Variants in LINGO2 observed in about 807,000 individuals in gnomAD.
The protein encoded by LINGO2 is leucine-rich repeat and immunoglobulin-like domain-containing nogo receptor-interacting protein 2.
In LINGO2, 14 loss-of-function variants were observed where a neutral mutation model predicts 30.6. The ratio of observed to expected loss-of-function variants is 0.46; its 90% CI spans 0.30 to 0.72. The LOEUF (loss-of-function observed/expected upper bound fraction) is 0.72, where lower values mean the gene tolerates loss of function less well. LINGO2 is among the 30% of genes least tolerant of loss of function. The probability of loss-of-function intolerance (pLI) is 0.07; values close to 1 mark genes in which losing one functional copy is unlikely to be tolerated. For missense variants in LINGO2, 729 were observed against 751.7 expected (o/e 0.97, Z 0.35); for synonymous variants, 317 against 288.5 (o/e 1.10, Z -1.00).
the LINGO2 span, among the ~76,000 whole-genome samples, chr9:29,122,556 C>T: frequency 6.6e-6 from 1 of 151,902 alleles, no homozygotes; most frequent in African/African-American, 2.4e-5. Flanking sequence ...TTTTTCTAAG[C>T]ATTTACTAAG....
chr9:28,860,144 C>T, the LINGO2 span, among the ~76,000 whole-genome samples: 36 of 152,012 alleles, frequency 2.4e-4, 1 homozygote, highest in Non-Finnish European at 4.4e-4. Flanking sequence ...AGAACACCAA[C>T]TTATTGTTTG....
intron 4 of LINGO2, among the ~76,000 whole-genome samples, chr9:28,216,780 T>C (rs972900169): frequency 2.6e-5 from 4 of 151,962 alleles, no homozygotes; most frequent in African/African-American, 7.2e-5. Context: ...TTGAAGTCAC[T>C]ACATTTTATA....
chr9:28,280,991 T>C (rs556974464), intron 4 of LINGO2, among the ~76,000 whole-genome samples: 1 of 152,276 alleles, frequency 6.6e-6, no homozygotes, highest in Admixed American at 6.5e-5. Flanking sequence ...AGCAATCTAA[T>C]ATTTATTATG....
intron 4 of LINGO2, among the ~76,000 whole-genome samples, chr9:28,263,911 C>T (rs1307542343): frequency 4.6e-5 from 7 of 151,850 alleles, no homozygotes; most frequent in African/African-American, 7.3e-5. Flanking sequence ...ACATTGCAAG[C>T]GTCTATATAT....
chr9:29,008,234 T>C, the LINGO2 span, among the ~76,000 whole-genome samples: 5 of 152,186 alleles, frequency 3.3e-5, no homozygotes, highest in African/African-American at 9.7e-5. Flanking sequence ...GCTTCATCCA[T>C]ATCCCTACAA....
the LINGO2 span, among the ~76,000 whole-genome samples, chr9:29,181,852 C>A: frequency 6.6e-6 from 1 of 151,916 alleles, no homozygotes; most frequent in African/African-American, 2.4e-5. Context: ...CCATAGACAA[C>A]AAAAGAAAAA....
At chr9:29,144,692 C>A in the LINGO2 span, among the ~76,000 whole-genome samples, 1 of 152,034 alleles carries the variant, frequency 6.6e-6, no homozygotes, top group African/African-American at 2.4e-5. Flanking sequence ...AGACTAAGTC[C>A]TACCACAGCA....
intron 2 of LINGO2, among the ~76,000 whole-genome samples, chr9:28,458,983 A>AT (rs56137901): frequency 0.99 from 151,252 of 152,216 alleles, 75,153 homozygotes; most frequent in Middle Eastern, 1. Flanking sequence ...GTGAATTATG[A>AT]TTTTGCATTA....
At chr9:28,862,032 A>T in the LINGO2 span, among the ~76,000 whole-genome samples, 2 of 152,142 alleles carry the variant, frequency 1.3e-5, no homozygotes, top group African/African-American at 4.8e-5. Flanking sequence ...TATTATCATT[A>T]AAAACATAAG....
the LINGO2 span, among the ~76,000 whole-genome samples, chr9:29,117,440 A>C: frequency 6.6e-6 from 1 of 152,234 alleles, no homozygotes; most frequent in African/African-American, 2.4e-5. Flanking sequence ...AGTCAGCTTC[A>C]GTGAAAGCTG....
chr9:29,146,385 C>A, the LINGO2 span, among the ~76,000 whole-genome samples: 1 of 85,810 alleles, frequency 1.2e-5, no homozygotes, highest in Non-Finnish European at 2.4e-5. Flanking sequence ...AAAAAAAAAC[C>A]AGCTAAGACT....
the LINGO2 span, among the ~76,000 whole-genome samples, chr9:29,121,576 G>A: frequency 1.3e-5 from 2 of 151,868 alleles, no homozygotes; most frequent in Non-Finnish European, 2.9e-5. Flanking sequence ...ACAATTGATA[G>A]GAGCTTAAAA....
At chr9:28,207,389 A>G (rs776091214) in intron 4 of LINGO2, among the ~76,000 whole-genome samples, 32 of 152,130 alleles carry the variant, frequency 2.1e-4, no homozygotes, top group Admixed American at 2.0e-4. Context: ...AAATTGTAGC[A>G]GATTTATAAG....
chr9:28,898,057 G>T, the LINGO2 span, among the ~76,000 whole-genome samples: 1 of 152,054 alleles, frequency 6.6e-6, no homozygotes, highest in Admixed American at 6.6e-5. Context: ...AAGAATAAAA[G>T]TAGTGACCTC....
chr9:28,002,658 T>C (rs1822020398), intron 5 of LINGO2, among the ~76,000 whole-genome samples: 1 of 152,212 alleles, frequency 6.6e-6, no homozygotes, highest in Non-Finnish European at 1.5e-5. Context: ...AGCCAATGTA[T>C]ATGGAGATAT....
chr9:28,913,718 A>C, the LINGO2 span, among the ~76,000 whole-genome samples: 1 of 152,120 alleles, frequency 6.6e-6, no homozygotes, highest in Non-Finnish European at 1.5e-5. Flanking sequence ...TAATCTGATA[A>C]TACTTGTTGT....
upstream of LINGO2, among the ~76,000 whole-genome samples, chr9:28,674,905 A>T (rs1401347432): frequency 6.6e-6 from 1 of 151,542 alleles, no homozygotes; most frequent in Admixed American, 6.6e-5. Flanking sequence ...TATTTTGGAG[A>T]GTGTAGAATG....
chr9:28,399,274 T>G (rs1407373543), intron 2 of LINGO2, among the ~76,000 whole-genome samples: 1 of 152,212 alleles, frequency 6.6e-6, no homozygotes, highest in African/African-American at 2.4e-5. Flanking sequence ...TAAAAGTCTG[T>G]GTAGCCTTTG....
At chr9:28,298,848 T>C (rs950997908) in intron 3 of LINGO2, among the ~76,000 whole-genome samples, 4 of 152,226 alleles carry the variant, frequency 2.6e-5, no homozygotes, top group African/African-American at 9.6e-5. Context: ...TGTACATTAA[T>C]TTAAAACAAA....
Sources: gnomAD v4.1 joint callset for allele counts (sites outside exome capture counted in the v4.1 genomes callset) on GRCh38, gnomAD v4.1.1 for gene constraint, MANE v1.5 for transcripts, NCBI Gene and HGNC (gene_info 2026-07-23, HGNC 2026-07-21) for gene names.